Variants in DPP10 observed in about 807,000 individuals in gnomAD.
DPP10 encodes dipeptidyl peptidase like 10, also known as inactive dipeptidyl peptidase 10.
DPP10 carries 33 observed loss-of-function variants against 120.9 expected under a neutral mutation model. That is an observed-to-expected ratio of 0.27 (90% confidence interval 0.21 to 0.37). DPP10 has a LOEUF of 0.37. Among genes scored for constraint, DPP10 ranks in the 10% least tolerant of loss-of-function variants. The pLI is 1.00. For synonymous variants in DPP10, 337 were observed against 326.1 expected (o/e 1.03, Z -0.36); for missense variants, 816 against 942.8 (o/e 0.87, Z 1.76).
rs187212025 is a variant in DPP10 at position 114,906,598 on chromosome 2, T to C, written c.61-402641T>C. Among the ~76,000 whole-genome samples, 222 of 152,296 alleles carry C rather than the reference T, an allele frequency of 1.5e-3. 2 individuals carry two copies. The highest frequency in any genetic ancestry group is 4.7e-3 in the African/African-American group (196 of 41,578). ...TTGTATTTTTCTAATGGTTTTTCTGTAGCTATTGAGATGACCATGAGGTTA... is the reference window on the plus strand; with the variant it reads ...TTGTATTTTTCTAATGGTTTTTCTGCAGCTATTGAGATGACCATGAGGTTA... On this transcript the variant is annotated intron_variant, in intron 1 of 25. Coordinates refer to ENST00000410059, the MANE Select transcript of DPP10 (RefSeq NM_020868.6).
At chr2:114,777,523 A>G (rs142876072) in intron 1 of DPP10, among the ~76,000 whole-genome samples, 4 of 152,206 alleles carry the variant, frequency 2.6e-5, no homozygotes, top group African/African-American at 9.6e-5. Flanking sequence ...GCCACTTGTT[A>G]CAGTCATAAA....
intron 1 of DPP10, among the ~76,000 whole-genome samples, chr2:114,626,403 G>T (rs957169807): frequency 1.6e-4 from 25 of 152,042 alleles, no homozygotes; most frequent in Non-Finnish European, 3.1e-4. Context: ...TCAGAATTTA[G>T]ATATTGTTTT....
chr2:115,347,806 A>G (rs1222719177), intron 3 of DPP10, among the ~76,000 whole-genome samples: 3 of 152,172 alleles, frequency 2.0e-5, no homozygotes, highest in African/African-American at 4.8e-5. Flanking sequence ...TGCAAAGGAC[A>G]TGAACTCATC....
chr2:114,602,276 G>C (rs785030), intron 1 of DPP10, among the ~76,000 whole-genome samples: 23,957 of 151,764 alleles, frequency 0.16, 3,311 homozygotes, highest in African/African-American at 0.37. Context: ...GTTAGAGGTA[G>C]AGAGGGCTCA....
At chr2:114,734,052 G>A (rs1162644549) in intron 1 of DPP10, among the ~76,000 whole-genome samples, 2 of 152,028 alleles carry the variant, frequency 1.3e-5, no homozygotes, top group Non-Finnish European at 2.9e-5. Context: ...TATATATCAT[G>A]GCTTACTTTC....
intron 1 of DPP10, among the ~76,000 whole-genome samples, chr2:114,663,509 G>C (rs1697609767): frequency 6.6e-6 from 1 of 150,412 alleles, no homozygotes; most frequent in African/African-American, 2.4e-5. Flanking sequence ...AGGACCCGCT[G>C]TAATTTTGGT....
chr2:115,083,425 G>T (rs1257355547), intron 1 of DPP10, among the ~76,000 whole-genome samples: 1 of 152,062 alleles, frequency 6.6e-6, no homozygotes, highest in Non-Finnish European at 1.5e-5. Flanking sequence ...CCATCTGCTG[G>T]CTGGCTATTC....
rs781284501 is a variant in DPP10 at position 115,256,472 on chromosome 2, C to T, written c.61-52767C>T. Among the ~76,000 whole-genome samples, 3 of 152,140 alleles carry T rather than the reference C, an allele frequency of 2.0e-5. No homozygotes were observed. In the South Asian group the frequency reaches 6.2e-4, roughly 32 times the overall value. On this transcript the variant is annotated intron_variant, in intron 1 of 25. Transcript: ENST00000410059. ...CAGCAGACTGAGCAGTACCTGGGAC[C>T]CTCTGAGCCTGTGGCTGGAGTTGGA...
intron 16 of DPP10, 74 bp downstream of exon 16, chr2:115,781,069 A>T: frequency 1.6e-6 from 2 of 1,232,384 alleles, no homozygotes; most frequent in East Asian, 2.6e-5. Context: ...GGTATCAGCA[A>T]CTATTACTCT....
intron 14 of DPP10, 73 bp downstream of exon 14, chr2:115,777,372 G>A: frequency 1.5e-6 from 2 of 1,377,046 alleles, no homozygotes; most frequent in South Asian, 1.2e-5. Context: ...ATAGAATTAT[G>A]TTTTGCTTAC....
intron 1 of DPP10, among the ~76,000 whole-genome samples, chr2:114,636,190 T>G (rs908118946): frequency 6.6e-6 from 1 of 152,032 alleles, no homozygotes; most frequent in Non-Finnish European, 1.5e-5. Flanking sequence ...TGCACAAATA[T>G]TTTTCCTTGA....
In DPP10 at chr2:115,133,247, C is replaced by T. The variant is rs534929822; in HGVS notation, c.61-175992C>T. 3.4e-3 allele frequency among the ~76,000 whole-genome samples: 476 copies of T among 141,134 alleles called. 3 individuals carry two copies. The highest frequency in any genetic ancestry group is 0.019 in the Middle Eastern group (5 of 258). The allele number at this position is 141,134 out of a possible 152,430, so 92.6% of individuals were successfully genotyped here. On this transcript the variant is annotated intron_variant, in intron 1 of 25. Coordinates refer to ENST00000410059, the MANE Select transcript of DPP10 (RefSeq NM_020868.6). ...AGGCTGGAGTGCAGTGGTGAAATCT[C>T]GGATTTGCCATTGCATTACAGCCTG...
chr2:115,258,960 T>C (rs1248524183), intron 1 of DPP10, among the ~76,000 whole-genome samples: 1 of 152,228 alleles, frequency 6.6e-6, no homozygotes, highest in Non-Finnish European at 1.5e-5. Context: ...TTCAGCTGCC[T>C]GTAACAGAAC....
intron 1 of DPP10, among the ~76,000 whole-genome samples, chr2:114,445,383 T>A (rs1677880515): frequency 6.6e-6 from 1 of 152,170 alleles, no homozygotes; most frequent in Non-Finnish European, 1.5e-5. Context: ...TCTAGAGAAC[T>A]TTTCCCCCAT....
chr2:114,593,392 G>A (rs1407003937), intron 1 of DPP10, among the ~76,000 whole-genome samples: 2 of 152,076 alleles, frequency 1.3e-5, no homozygotes, highest in African/African-American at 4.8e-5. Context: ...CTTTGCATAG[G>A]ATGCTCCACG....
In DPP10 at chr2:115,800,058, A is replaced by C. The variant is rs1194110289; in HGVS notation, c.1700+8702A>C. 6.0e-5 allele frequency among the ~76,000 whole-genome samples: 9 copies of C among 150,972 alleles called. 1 individual carries two copies. In the East Asian group the frequency reaches 1.4e-3, roughly 23 times the overall value. On this transcript the variant is annotated intron_variant, in intron 19 of 25. Coordinates refer to ENST00000410059, the MANE Select transcript of DPP10 (RefSeq NM_020868.6). ...TAGTTTACAGTCCCACCAACAGTGT[A>C]AAAGTGTTCCTATTTCTCCACATCC...
chr2:114,617,993 G>A (rs1693802681), intron 1 of DPP10, among the ~76,000 whole-genome samples: 1 of 151,994 alleles, frequency 6.6e-6, no homozygotes, highest in African/African-American at 2.4e-5. Context: ...TTCTCTACAT[G>A]TCAGATAATA....
intron 1 of DPP10, among the ~76,000 whole-genome samples, chr2:114,843,753 C>A (rs190939654): frequency 6.6e-6 from 1 of 152,120 alleles, no homozygotes; most frequent in Non-Finnish European, 1.5e-5. Flanking sequence ...TCTGCCTCCT[C>A]AATGTCTTTC....
At chr2:115,471,886 T>G (rs1285552876) in intron 3 of DPP10, among the ~76,000 whole-genome samples, 1 of 152,096 alleles carries the variant, frequency 6.6e-6, no homozygotes, top group Non-Finnish European at 1.5e-5. Flanking sequence ...CCCAAAGTGC[T>G]AGGACTGCAG....
Sources: gnomAD v4.1 joint callset for allele counts (sites outside exome capture counted in the v4.1 genomes callset) on GRCh38, gnomAD v4.1.1 for gene constraint, MANE v1.5 for transcripts, NCBI Gene and HGNC (gene_info 2026-07-23, HGNC 2026-07-21) for gene names.